SPATA22: variants seen among roughly 807,000 people sequenced by gnomAD.
The protein encoded by SPATA22 is spermatogenesis associated 22.
SPATA22 carries 29 observed loss-of-function variants against 47.8 expected under a neutral mutation model. That is an observed-to-expected ratio of 0.61 (90% confidence interval 0.45 to 0.83). The LOEUF is 0.83. SPATA22 is among the 40% of genes least tolerant of loss of function. The pLI is 0.00. For missense variants in SPATA22, 410 were observed against 421.7 expected, an observed-to-expected ratio of 0.97 and a Z score of 0.24; for synonymous variants, 133 against 140.9, an observed-to-expected ratio of 0.94 and a Z score of 0.40.
exon 1 of SPATA22, chr17:3,513,825 T>TC (rs2150775951): frequency 2.7e-6 from 3 of 1,099,772 alleles, no homozygotes; most frequent in Non-Finnish European, 4.1e-6. Flanking sequence ...AGAGCCGGAC[T>TC]CCACCATCCC....
chr17:3,462,351 T>C, intron 5 of SPATA22, 132 bp downstream of exon 5: 1 of 630,064 alleles, frequency 1.6e-6, no homozygotes, highest in Non-Finnish European at 2.7e-6. Flanking sequence ...ACTGCCATAG[T>C]TGTTATTTAT....
intron 1 of SPATA22, among the ~76,000 whole-genome samples, chr17:3,489,814 C>T (rs915530201): frequency 3.9e-5 from 6 of 152,188 alleles, no homozygotes; most frequent in African/African-American, 1.4e-4. Flanking sequence ...CTTACAGCAT[C>T]CACTTCTTAA....
chr17:3,452,480 T>A (rs2072885760), intron 5 of SPATA22, among the ~76,000 whole-genome samples: 1 of 151,814 alleles, frequency 6.6e-6, no homozygotes, highest in South Asian at 2.1e-4. Context: ...TAGTCCCAGC[T>A]ACTCGGGAGG....
intron 1 of SPATA22, among the ~76,000 whole-genome samples, chr17:3,487,274 T>C (rs760035727): frequency 4.6e-5 from 7 of 152,186 alleles, no homozygotes; most frequent in East Asian, 1.9e-4. Flanking sequence ...CTCAGAAAGA[T>C]TGTCTCTCTA....
chr17:3,481,821 A>G (rs1448345477), intron 1 of SPATA22: 10 of 1,555,490 alleles, frequency 6.4e-6, no homozygotes, highest in Non-Finnish European at 8.8e-6. Context: ...TTATTAATTT[A>G]TAAGTTAGCA....
chr17:3,493,560 C>CA (rs746229421), intron 1 of SPATA22, among the ~76,000 whole-genome samples: 33,235 of 56,160 alleles, frequency 0.59, 9,615 homozygotes, highest in East Asian at 0.79. Context: ...GGTTCCATCT[C>CA]AAAAAAAAAA....
intron 5 of SPATA22, among the ~76,000 whole-genome samples, chr17:3,451,937 ACT>A (rs1440669959): frequency 2.7e-5 from 4 of 150,442 alleles, no homozygotes; most frequent in Non-Finnish European, 5.9e-5. Flanking sequence ...ACAGAGCGAG[ACT>A]CTGTCTCAAT....
chr17:3,454,571 T>C (rs902179555), intron 5 of SPATA22, among the ~76,000 whole-genome samples: 7 of 152,136 alleles, frequency 4.6e-5, no homozygotes, highest in African/African-American at 1.7e-4. Context: ...GTCCTTGCGA[T>C]AGTTTACTGA....
intron 3 of SPATA22, among the ~76,000 whole-genome samples, chr17:3,464,358 G>A (rs1305465415): frequency 6.6e-6 from 1 of 151,438 alleles, no homozygotes. Flanking sequence ...CGCCTGCCTT[G>A]GCCTCCCAAA....
At position 3,471,749 on chromosome 17, in the gene SPATA22, C is replaced by T. The variant is rs767057008; in HGVS notation, c.-141G>A. 470 of 985,632 alleles carry T rather than the reference C, an allele frequency of 4.8e-4. 1 individual carries two copies. The highest frequency in any genetic ancestry group is 8.0e-4 in the Admixed American group (13 of 16,290). 61.1% of individuals were successfully genotyped at this position (985,632 alleles called of 1,614,324 possible). On this transcript the variant is annotated 5_prime_UTR_variant, in exon 1 of 9. Transcript: ENST00000572969. ...TTTCGCCCTCAGTTTCCCTCGCCTC[C>T]GTCAACCGTCGTCCAGGCGGCCCCG...
At chr17:3,441,201 G>A (rs1307585440) in intron 8 of SPATA22, 1 of 152,010 alleles carries the variant, frequency 6.6e-6, no homozygotes, top group Non-Finnish European at 1.5e-5. Context: ...AAAAACTTCT[G>A]TTTATCAAAA....
chr17:3,500,502 T>TGTTTTTG (rs2073976468), intron 1 of SPATA22: 1 of 22,736 alleles, frequency 4.4e-5, no homozygotes, highest in Admixed American at 8.4e-4. Context: ...CTAAAACTCT[T>TGTTTTTG]GTTTTTTGTT....
intron 2 of SPATA22, chr17:3,469,033 A>G (rs916672431): frequency 2.0e-5 from 7 of 350,148 alleles, no homozygotes; most frequent in Admixed American, 4.8e-5. Context: ...TTTAAAGCAT[A>G]GAATAACTCA....
Position 3,494,590 on chromosome 17 carries a change from G to A in SPATA22, c.-74+18822C>T, listed in dbSNP as rs551314039. The A allele has an allele frequency of 1.6e-4, 127 of 791,680 alleles. No homozygotes were observed. In the African/African-American group the frequency reaches 2.0e-3, roughly 13 times the overall value. The allele number at this position is 791,680 out of a possible 1,614,324, so 49.0% of individuals were successfully genotyped here. On this transcript the variant is annotated intron_variant, in intron 1 of 8. Transcript: ENST00000541913. ...TCTCATTAGACACTGAGTGTAGATA[G>A]GGAAGATGTTCGGACTGTCGCTCAA...
intron 1 of SPATA22, among the ~76,000 whole-genome samples, chr17:3,495,925 T>C (rs913941368): frequency 6.6e-6 from 1 of 152,104 alleles, no homozygotes; most frequent in Non-Finnish European, 1.5e-5. Context: ...GAAAGCACTA[T>C]TGGTGACAAA....
chr17:3,497,441 C>T (rs2073928262), intron 1 of SPATA22, among the ~76,000 whole-genome samples: 1 of 152,132 alleles, frequency 6.6e-6, no homozygotes, highest in African/African-American at 2.4e-5. Flanking sequence ...GGCATGGTTG[C>T]GGGTTATATG....
chr17:3,512,045 A>C (rs1193034983), intron 1 of SPATA22: 1 of 152,148 alleles, frequency 6.6e-6, no homozygotes, highest in Non-Finnish European at 1.5e-5. Flanking sequence ...TCTTCCAATG[A>C]CCATTTTCAA....
intron 7 of SPATA22, among the ~76,000 whole-genome samples, chr17:3,444,582 G>A (rs747283113): frequency 1.3e-5 from 2 of 152,024 alleles, no homozygotes; most frequent in African/African-American, 2.4e-5. Context: ...TGAAGCCAAC[G>A]TTATGACTGG....
At chr17:3,509,473 T>C (rs1215544520) in intron 1 of SPATA22, among the ~76,000 whole-genome samples, 1 of 152,228 alleles carries the variant, frequency 6.6e-6, no homozygotes, top group Non-Finnish European at 1.5e-5. Context: ...GCTTCATCCA[T>C]GTTCCTACAA....
Sources: allele counts gnomAD v4.1 joint callset (sites outside exome capture counted in the v4.1 genomes callset), GRCh38; gene constraint gnomAD v4.1.1; transcripts MANE v1.5; gene names NCBI Gene and HGNC (gene_info 2026-07-23, HGNC 2026-07-21).